The following NTM variants were observed in gnomAD, a reference collection of about 807,000 sequenced individuals.
NTM encodes the protein IgLON family member 2.
NTM carries 13 observed loss-of-function variants against 42.1 expected under a neutral mutation model. The ratio of observed to expected loss-of-function variants is 0.31; its 90% confidence interval spans 0.20 to 0.49. The LOEUF (loss-of-function observed/expected upper bound fraction) is 0.49. Among genes scored for constraint, NTM ranks in the 20% least tolerant of loss-of-function variants. NTM has a pLI of 0.99. For synonymous variants in NTM, 187 were observed against 179.2 expected (o/e 1.04, Z -0.35); for missense variants, 373 against 452.8 (o/e 0.82, Z 1.60).
intron 1 of NTM, among the ~76,000 whole-genome samples, chr11:131,607,769 C>T (rs1391573182): frequency 6.6e-6 from 1 of 152,182 alleles, no homozygotes; most frequent in East Asian, 1.9e-4. Context: ...CATCACTCTC[C>T]ATGCTAGATT....
chr11:131,463,178 C>T (rs1173454910), intron 1 of NTM, among the ~76,000 whole-genome samples: 2 of 152,170 alleles, frequency 1.3e-5, no homozygotes, highest in Non-Finnish European at 2.9e-5. Context: ...ATCCTATTGC[C>T]CTCCTGTCCC....
At chr11:131,538,903 TTGGGCA>T (rs1446029913) in intron 1 of NTM, among the ~76,000 whole-genome samples, 1 of 148,328 alleles carries the variant, frequency 6.7e-6, no homozygotes, top group Non-Finnish European at 1.5e-5. Context: ...TGTGAAGGGA[TTGGGCA>T]TGTTAACTTA....
At chr11:131,638,857 A>G (rs895882864) in intron 1 of NTM, among the ~76,000 whole-genome samples, 3 of 151,594 alleles carry the variant, frequency 2.0e-5, no homozygotes, top group African/African-American at 7.3e-5. Flanking sequence ...CTCCCTGTAC[A>G]CCATATGAAA....
At chr11:132,123,440 CAATT>C (rs1056555934) in intron 2 of NTM, among the ~76,000 whole-genome samples, 4 of 152,146 alleles carry the variant, frequency 2.6e-5, no homozygotes, top group Non-Finnish European at 5.9e-5. Context: ...AGGAGACCAA[CAATT>C]AATAACAGTG....
intron 1 of NTM, among the ~76,000 whole-genome samples, chr11:131,833,343 C>T (rs2043064730): frequency 6.6e-6 from 1 of 152,178 alleles, no homozygotes; most frequent in Non-Finnish European, 1.5e-5. Context: ...ACTTGATATG[C>T]TCCAGGAAAT....
chr11:131,456,107 A>G lies in NTM; in HGVS notation c.82+85219A>G, dbSNP rs189941338. ...CTTGAGCAGTAGGATATAAATAACT[A>G]CTAGCTTAGCGTTCCAATAGTGGAG... On this transcript the variant is annotated intron_variant, in intron 1 of 8. Transcript: ENST00000683400. 1.2e-3 allele frequency among the ~76,000 whole-genome samples: 180 copies of G among 152,338 alleles called. 1 individual carries two copies. Among genetic ancestry groups the G allele is most frequent in the South Asian group, 2.5e-3 (12 of 4,832 alleles).
chr11:131,741,405 T>C (rs1591539538), intron 1 of NTM, among the ~76,000 whole-genome samples: 1 of 152,282 alleles, frequency 6.6e-6, no homozygotes, highest in East Asian at 1.9e-4. Flanking sequence ...CTGATCCCCA[T>C]TTCAAATGTG....
chr11:131,580,392 G>A (rs756770502), intron 1 of NTM, among the ~76,000 whole-genome samples: 1 of 152,148 alleles, frequency 6.6e-6, no homozygotes, highest in Non-Finnish European at 1.5e-5. Context: ...GCCACTGACA[G>A]CGATTTGGCC....
At chr11:131,684,658 A>T (rs2695824) in intron 1 of NTM, among the ~76,000 whole-genome samples, 141,521 of 152,368 alleles carry the variant, frequency 0.93, 65,812 homozygotes, top group East Asian at 1. Context: ...TTCCCAGGCC[A>T]GCTCATCATG....
chr11:132,064,587 A>G (rs1053781126), intron 2 of NTM, among the ~76,000 whole-genome samples: 1 of 152,182 alleles, frequency 6.6e-6, no homozygotes, highest in Non-Finnish European at 1.5e-5. Flanking sequence ...TCTTTAAGGG[A>G]AGGGATTTGA....
chr11:131,873,932 T>A lies in NTM; in HGVS notation c.83-37632T>A, dbSNP rs924792496. Among the ~76,000 whole-genome samples the A allele has an allele frequency of 3.6e-5, 5 of 138,484 alleles. No homozygotes were observed. In the East Asian group the frequency reaches 6.0e-4, roughly 17 times the overall value. The allele number at this position is 138,484 out of a possible 152,430, so 90.9% of individuals were successfully genotyped here. ...GTTTGGTTTTCTGCTCCTGTGTTAG[T>A]TTGCTGAGAATGATGGTTTCCAGCT... On this transcript the variant is annotated intron_variant, in intron 1 of 8. Coordinates refer to ENST00000683400, the MANE Select transcript of NTM (RefSeq NM_001352005.2).
intron 1 of NTM, among the ~76,000 whole-genome samples, chr11:131,808,602 A>G (rs2092613007): frequency 6.6e-6 from 1 of 152,242 alleles, no homozygotes. Context: ...TCAGTGGACC[A>G]GGTGTTGGTC....
chr11:131,736,552 A>C (rs2080469970), intron 1 of NTM, among the ~76,000 whole-genome samples: 1 of 152,126 alleles, frequency 6.6e-6, no homozygotes, highest in African/African-American at 2.4e-5. Flanking sequence ...TGCTTCTCAA[A>C]TGGATCTCAC....
chr11:132,049,163 G>A (rs777377157), intron 2 of NTM, among the ~76,000 whole-genome samples: 1 of 152,144 alleles, frequency 6.6e-6, no homozygotes, highest in African/African-American at 2.4e-5. Flanking sequence ...AGAAACAAAA[G>A]AGGAAATCAG....
In NTM at chr11:131,377,374, T is replaced by G. The variant is rs2135497984; in HGVS notation, c.82+6486T>G. Among the ~76,000 whole-genome samples, 2 of 152,300 alleles carry G rather than the reference T, an allele frequency of 1.3e-5. 1 individual carries two copies. Among genetic ancestry groups the G allele is most frequent in the South Asian group, 4.2e-4 (2 of 4,818 alleles). On this transcript the variant is annotated intron_variant, in intron 1 of 8. Coordinates refer to ENST00000683400, the MANE Select transcript of NTM (RefSeq NM_001352005.2). ...ACTGTCACCTCTCTGGCCTCTCCAC[T>G]TCCTTTATGCCCTGACTTCTGCACA...
At chr11:132,004,806 AT>A (rs141388475) in intron 2 of NTM, among the ~76,000 whole-genome samples, 6,125 of 152,240 alleles carry the variant, frequency 0.04, 166 homozygotes, top group African/African-American at 0.067. Flanking sequence ...GGACAGTAAG[AT>A]TAAAAGAACT....
At chr11:131,520,925 C>T (rs893315918) in intron 1 of NTM, among the ~76,000 whole-genome samples, 1 of 152,120 alleles carries the variant, frequency 6.6e-6, no homozygotes, top group African/African-American at 2.4e-5. Flanking sequence ...ATGGCATCAG[C>T]ATTGGCTTCC....
At chr11:131,846,973 A>T (rs1053885860) in intron 1 of NTM, among the ~76,000 whole-genome samples, 3 of 152,218 alleles carry the variant, frequency 2.0e-5, no homozygotes, top group Non-Finnish European at 2.9e-5. Context: ...GCAGTGAGAA[A>T]GGTCTAGGGT....
At chr11:131,378,666 C>T (rs1354477951) in intron 1 of NTM, among the ~76,000 whole-genome samples, 2 of 152,106 alleles carry the variant, frequency 1.3e-5, no homozygotes, top group Non-Finnish European at 2.9e-5. Flanking sequence ...AGCCTTCCTG[C>T]AAGAGAAATT....
Sources: gnomAD v4.1 joint callset for allele counts (sites outside exome capture counted in the v4.1 genomes callset) on GRCh38, gnomAD v4.1.1 for gene constraint, MANE v1.5 for transcripts, NCBI Gene and HGNC (gene_info 2026-07-23, HGNC 2026-07-21) for gene names.